ARHGAP27: variants seen among roughly 807,000 people sequenced by gnomAD.
ARHGAP27 encodes Rho GTPase activating protein 27.
In ARHGAP27, 53 loss-of-function variants were observed where a neutral mutation model predicts 102.0. The observed-to-expected ratio is 0.52, with a 90% CI of 0.42 to 0.65. The LOEUF (loss-of-function observed/expected upper bound fraction) is 0.65. Among genes scored for constraint, ARHGAP27 ranks in the 30% least tolerant of loss-of-function variants. The pLI is 0.00. For synonymous variants in ARHGAP27, 525 were observed against 542.8 expected, an observed-to-expected ratio of 0.97 and a Z score of 0.46; for missense variants, 1,117 against 1,256.2, an observed-to-expected ratio of 0.89 and a Z score of 1.68.
Position 45,429,873 on chromosome 17 carries a change from G to T in ARHGAP27, c.407C>A (p.Ala136Glu). ...RGAATQRSSLAPGLPACLYLR... is the reference protein window; with the variant it reads ...RGAATQRSSLEPGLPACLYLR... ...GTACAGGCAGGCTGGCAGGCCGGGC[G>T]CCAGGCTGCTGCGCTGGGTCGCGGC... Residue 136 changes from alanine to glutamate, a missense_variant, in exon 4 of 20, where the codon GCG (alanine) becomes GAG (glutamate). Transcript: ENST00000685559. The T allele has an allele frequency of 7.7e-7, 1 of 1,301,964 alleles. No homozygotes were observed. Among genetic ancestry groups the T allele is most frequent in the South Asian group, 1.8e-5 (1 of 54,320 alleles). 80.7% of individuals were successfully genotyped at this position (1,301,964 alleles called of 1,614,324 possible). A position where few individuals can be genotyped will look rare whatever the true frequency, so the allele number is the denominator to read the frequency against.
chr17:45,428,802 C>T (rs1398007165), intron 4 of ARHGAP27, among the ~76,000 whole-genome samples: 1 of 152,126 alleles, frequency 6.6e-6, no homozygotes, highest in Non-Finnish European at 1.5e-5. Context: ...CGGTTCTGAG[C>T]ATCTTTTTTT....
In ARHGAP27 at chr17:45,395,593, T is replaced by C. The variant is rs1166000326; in HGVS notation, c.2533A>G (p.Ser845Gly). The change falls in exon 20 of 20, where the codon AGC becomes GGC. Residue 845 changes from serine to glycine, a missense_variant. By Grantham distance (56) the Ser-to-Gly change is moderately conservative. Coordinates refer to ENST00000685559, the MANE Select transcript of ARHGAP27 (RefSeq NM_001282290.2). ...GTGGGCCCGAACACAATGGCCACGC[T>C]CTGCACCGACATGCGGTTCTGCTCG... ...HGEQNRMSVQSVAIVFGPTLL... is the reference protein window; with the variant it reads ...HGEQNRMSVQGVAIVFGPTLL... 2 of 1,607,626 alleles carry C rather than the reference T, an allele frequency of 1.2e-6. No individual in the cohort carries two copies. The highest frequency in any genetic ancestry group is 1.7e-6 in the Non-Finnish European group (2 of 1,177,382).
chr17:45,414,643 C>T, intron 4 of ARHGAP27, among the ~76,000 whole-genome samples: 1 of 144,286 alleles, frequency 6.9e-6, no homozygotes. Flanking sequence ...GAGACAGGGT[C>T]TGACTATGTT....
At chr17:45,412,962 C>CCTTT (rs2048076310) in intron 4 of ARHGAP27, among the ~76,000 whole-genome samples, 1 of 41,118 alleles carries the variant, frequency 2.4e-5, no homozygotes, top group Non-Finnish European at 4.3e-5. Flanking sequence ...TCAGTATAAT[C>CCTTT]TTTTTTTTTT....
chr17:45,409,201 C>T (rs925044568), intron 4 of ARHGAP27: 2 of 152,244 alleles, frequency 1.3e-5, no homozygotes, highest in African/African-American at 4.8e-5. Flanking sequence ...CGCACTGGGG[C>T]AGGAGTTGAA....
In ARHGAP27 at chr17:45,395,731, C is replaced by A. The variant is rs1462283227; in HGVS notation, c.2492+13G>T. The A allele has an allele frequency of 6.3e-7, 1 of 1,582,132 alleles. No individual in the cohort carries two copies. The highest frequency in any genetic ancestry group is 1.8e-5 in the Admixed American group (1 of 57,008). On this transcript the variant is annotated intron_variant, in intron 19 of 19. Transcript: ENST00000685559. ...ACCTGCCTCCCCCTTCCCGCGCGGG[C>A]CGCCCGGCTCACCGGCAGAGGTGCT...
chr17:45,423,060 A>G (rs983946802), intron 4 of ARHGAP27, among the ~76,000 whole-genome samples: 2 of 152,086 alleles, frequency 1.3e-5, no homozygotes, highest in African/African-American at 4.8e-5. Flanking sequence ...GCACACCTGT[A>G]ATCCCAGCTA....
intron 10 of ARHGAP27, 25 bp downstream of exon 10, chr17:45,404,004 G>C (rs779116210): frequency 6.2e-7 from 1 of 1,612,988 alleles, no homozygotes; most frequent in South Asian, 1.1e-5. Flanking sequence ...ACCCTGCCCC[G>C]GCCTGAGTGT....
intron 4 of ARHGAP27, among the ~76,000 whole-genome samples, chr17:45,418,558 A>T (rs1193854498): frequency 6.6e-6 from 1 of 152,112 alleles, no homozygotes; most frequent in East Asian, 1.9e-4. Context: ...AAGTGTTACA[A>T]AGTAGTTCCT....
In ARHGAP27 at chr17:45,395,615, CTCGCCGTGCTCGA is replaced by C; in HGVS notation, c.2498_2510del (p.Ile833SerfsTer30). ...CGCTCTGCACCGACATGCGGTTCTG[CTCGCCGTGCTCGA>C]TCACCCTGTGGCAGGGGTGGGTGGG... On this transcript the variant is annotated frameshift_variant, in exon 20 of 20. Transcript: ENST00000685559. LOFTEE classifies it high-confidence loss of function. 1 of 1,605,892 alleles carries C rather than the reference CTCGCCGTGCTCGA, an allele frequency of 6.2e-7. No homozygotes were observed. Among genetic ancestry groups the C allele is most frequent in the Non-Finnish European group, 8.5e-7 (1 of 1,176,560 alleles).
chr17:45,413,248 G>T (rs549542202), intron 4 of ARHGAP27, among the ~76,000 whole-genome samples: 1 of 152,064 alleles, frequency 6.6e-6, no homozygotes, highest in East Asian at 1.9e-4. Context: ...CAAAATGCTG[G>T]GATTACAGGC....
At chr17:45,396,451 C>T (rs1481794893) in intron 16 of ARHGAP27, 36 bp downstream of exon 16, 1 of 1,497,366 alleles carries the variant, frequency 6.7e-7, no homozygotes, top group Non-Finnish European at 8.9e-7. Context: ...GCGGGCACCC[C>T]AATGCCTGCC....
At chr17:45,397,148 T>C (rs1414755115) in intron 13 of ARHGAP27, 124 bp from the exon 14 acceptor site, 13 of 1,475,916 alleles carry the variant, frequency 8.8e-6, no homozygotes, top group Non-Finnish European at 1.2e-5. Context: ...CGAAGAGTCC[T>C]CTCTTCCCTT....
chr17:45,397,140 A>G, intron 13 of ARHGAP27, 116 bp from the exon 14 acceptor site: 1 of 1,493,506 alleles, frequency 6.7e-7, no homozygotes, highest in Non-Finnish European at 8.9e-7. Context: ...ACCCTCAGCG[A>G]AGAGTCCTCT....
rs1378953686 is a variant in ARHGAP27, at chr17:45,430,142, C to T, written c.138G>A (p.Trp46Ter). 3 of 1,532,272 alleles carry T rather than the reference C, an allele frequency of 2.0e-6. No individual in the cohort carries two copies. Among genetic ancestry groups the T allele is most frequent in the Admixed American group, 2.0e-5 (1 of 50,644 alleles). 94.9% of individuals were successfully genotyped at this position (1,532,272 alleles called of 1,614,324 possible). A position where few individuals can be genotyped will look rare whatever the true frequency, so the allele number is the denominator to read the frequency against. Residue 46 changes from tryptophan (W) to a stop codon, truncating the protein, a stop_gained, in exon 4 of 20, where the codon TGG becomes TGA. Coordinates refer to ENST00000685559, the MANE Select transcript of ARHGAP27 (RefSeq NM_001282290.2). LOFTEE classifies it high-confidence loss of function. This position sits in a 1 kb window ranked among gnomAD's most constrained non-coding sequence, Gnocchi z 4.4. ...GGCCGCCGGGCTCACGCCGCACGTG[C>T]CACCAGTGCTCGGTGCTGCGCCGCA... ...RLLRRSTEHW[W>*]HVRREPGGRP...
At chr17:45,397,381 T>A in intron 13 of ARHGAP27, 1 of 984,688 alleles carries the variant, frequency 1.0e-6, no homozygotes, top group Non-Finnish European at 1.3e-6. Context: ...AGCCTGCACC[T>A]CCAGCTGTGG....
intron 4 of ARHGAP27, among the ~76,000 whole-genome samples, chr17:45,416,701 C>T (rs2048494834): frequency 6.6e-6 from 1 of 151,292 alleles, no homozygotes. Flanking sequence ...GCGCCCACCA[C>T]CACACTCAGC....
At chr17:45,395,890 A>T (rs572422011) in intron 18 of ARHGAP27, 41 bp from the exon 19 acceptor site, 10 of 1,581,736 alleles carry the variant, frequency 6.3e-6, no homozygotes, top group Non-Finnish European at 7.7e-6. Context: ...TCGGAACGGG[A>T]GGTAGGGGGT....
In ARHGAP27 at chr17:45,395,468, G is replaced by A. The variant is rs767348978; in HGVS notation, c.2658C>T (p.Phe886=). Residue 886 remains phenylalanine (F), a synonymous_variant, in exon 20 of 20, where the codon TTC becomes TTT. Transcript: ENST00000685559. ...ELILQQCADI[F]PPH Reference sequence around the variant, plus strand: ...CACAGGCCAGCAGTCAGTGCGGCGGGAAGATGTCCGCGCACTGCTGCAGGA... The same window carrying A: ...CACAGGCCAGCAGTCAGTGCGGCGGAAAGATGTCCGCGCACTGCTGCAGGA... 2.5e-5 allele frequency: 39 copies of A among 1,563,690 alleles called. No homozygotes were observed. The highest frequency in any genetic ancestry group is 5.6e-5 in the Admixed American group (3 of 53,394).
Sources: gnomAD v4.1 joint callset for allele counts (sites outside exome capture counted in the v4.1 genomes callset) on GRCh38, gnomAD v4.1.1 for gene constraint, Gnocchi (gnomAD v3.1) non-coding constraint, MANE v1.5 for transcripts, NCBI Gene and HGNC (gene_info 2026-07-23, HGNC 2026-07-21) for gene names.